The following KIAA1328 variants were observed in gnomAD, a reference collection of about 807,000 sequenced individuals.
KIAA1328 encodes protein hinderin.
In KIAA1328, 52 loss-of-function variants were observed where a neutral mutation model predicts 68.1. That is an observed-to-expected ratio of 0.76 (90% CI 0.61 to 0.96). The LOEUF is 0.96. KIAA1328 is among the 40% of genes least tolerant of loss of function. KIAA1328 has a pLI of 0.00. For missense variants in KIAA1328, 641 were observed against 677.6 expected (o/e 0.95, Z 0.60); for synonymous variants, 232 against 239.4 (o/e 0.97, Z 0.28).
intron 7 of KIAA1328, among the ~76,000 whole-genome samples, chr18:37,113,911 A>C (rs1250380620): frequency 1.3e-5 from 2 of 152,206 alleles, no homozygotes; most frequent in Admixed American, 1.3e-4. Context: ...AGAGACAAAG[A>C]AGGCCATTAC....
chr18:37,205,052 T>A (rs2060192071), intron 9 of KIAA1328, among the ~76,000 whole-genome samples: 2 of 152,140 alleles, frequency 1.3e-5, no homozygotes, highest in Admixed American at 1.3e-4. Flanking sequence ...GTTATGCCTT[T>A]ACCAAGGACG....
intron 5 of KIAA1328, among the ~76,000 whole-genome samples, chr18:36,895,158 C>A (rs981149960): frequency 6.6e-6 from 1 of 152,214 alleles, no homozygotes; most frequent in Non-Finnish European, 1.5e-5. Flanking sequence ...GCTGCCCTAA[C>A]TTGCGTATCT....
At chr18:36,950,288 A>C (rs1283168874) in intron 5 of KIAA1328, among the ~76,000 whole-genome samples, 1 of 152,220 alleles carries the variant, frequency 6.6e-6, no homozygotes, top group Non-Finnish European at 1.5e-5. Context: ...TATTTTAAGC[A>C]TCTTCTTGGC....
chr18:36,877,490 A>G (rs1443259344), intron 4 of KIAA1328, among the ~76,000 whole-genome samples: 1 of 137,972 alleles, frequency 7.2e-6, no homozygotes, highest in Non-Finnish European at 1.6e-5. Flanking sequence ...TAGGATTGCA[A>G]CCCCTGGTGG....
At chr18:37,115,078 C>T (rs1817589554) in intron 7 of KIAA1328, among the ~76,000 whole-genome samples, 1 of 152,166 alleles carries the variant, frequency 6.6e-6, no homozygotes, top group South Asian at 2.1e-4. Flanking sequence ...CGAATTCTAC[C>T]AGAGGTACAA....
intron 7 of KIAA1328, among the ~76,000 whole-genome samples, chr18:37,116,078 A>G (rs1158039668): frequency 6.6e-6 from 1 of 152,212 alleles, no homozygotes; most frequent in Non-Finnish European, 1.5e-5. Flanking sequence ...GAAAATGGCC[A>G]TACTGCCCAA....
chr18:37,076,963 A>T (rs1164939413), intron 7 of KIAA1328, among the ~76,000 whole-genome samples: 2 of 152,178 alleles, frequency 1.3e-5, no homozygotes, highest in African/African-American at 2.4e-5. Context: ...AAAAAGAAGG[A>T]ATCCTCCCTA....
In KIAA1328 at chr18:36,883,952, G is replaced by GTATATATATATATATATATATATATATA. The variant is rs58707237; in HGVS notation, c.333-1587_333-1586insTATATATATATATATATATATATATATA. Among the ~76,000 whole-genome samples the GTATATATATATATATATATATATATATA allele has an allele frequency of 7.0e-3, 845 of 120,454 alleles. 46 individuals are homozygous for GTATATATATATATATATATATATATATA. Among genetic ancestry groups the GTATATATATATATATATATATATATATA allele is most frequent in the African/African-American group, 0.015 (459 of 30,176 alleles). The allele number at this position is 120,454 out of a possible 152,430, so 79.0% of individuals were successfully genotyped here. A position where few individuals can be genotyped will look rare whatever the true frequency, so the allele number is the denominator to read the frequency against. On this transcript the variant is annotated intron_variant, in intron 4 of 9. Coordinates refer to ENST00000280020, the MANE Select transcript of KIAA1328 (RefSeq NM_020776.3). ...TACAAATGCTTTCCATATTTATAAA[G>GTATATATATATATATATATATATATATA]TATATATATATATATATACACACAC...
chr18:37,025,696 C>G (rs1306337562), intron 6 of KIAA1328, among the ~76,000 whole-genome samples: 4 of 152,058 alleles, frequency 2.6e-5, no homozygotes, highest in Admixed American at 6.6e-5. Context: ...ACAAAACATA[C>G]CAGAATCTCT....
chr18:37,224,364 C>T lies in KIAA1328; in HGVS notation c.*2137C>T. 1 of 985,360 alleles carries T rather than the reference C, an allele frequency of 1.0e-6. No homozygotes were observed. The highest frequency in any genetic ancestry group is 1.2e-6 in the Non-Finnish European group (1 of 829,918). 61.0% of individuals were successfully genotyped at this position (985,360 alleles called of 1,614,324 possible). The stretch of plus-strand genomic sequence containing the variant: ...ACAGCCACAGAGTGGAGTTTTATTG[C>T]TTCTTTGCCTCTCCATGAATGGCCA... On this transcript the variant is annotated 3_prime_UTR_variant, in exon 10 of 10. Transcript: ENST00000280020.
At chr18:36,856,924 T>C (rs1028340736) in intron 4 of KIAA1328, among the ~76,000 whole-genome samples, 1 of 152,186 alleles carries the variant, frequency 6.6e-6, no homozygotes, top group Admixed American at 6.5e-5. Context: ...GTCTCTGAAG[T>C]CTTTGTTTTG....
At chr18:36,885,708 G>A in intron 5 of KIAA1328, 36 bp downstream of exon 5, 2 of 1,320,846 alleles carry the variant, frequency 1.5e-6, no homozygotes, top group Non-Finnish European at 2.1e-6. Context: ...TAACGTTCAA[G>A]AAGTTTGACT....
chr18:37,086,689 A>G (rs1599215713), intron 7 of KIAA1328, among the ~76,000 whole-genome samples: 1 of 152,322 alleles, frequency 6.6e-6, no homozygotes, highest in Admixed American at 6.5e-5. Context: ...TTAGCTTTAT[A>G]TAGCATTCTG....
At chr18:36,832,383 A>G (rs543894687) in intron 1 of KIAA1328, among the ~76,000 whole-genome samples, 1 of 151,976 alleles carries the variant, frequency 6.6e-6, no homozygotes, top group Non-Finnish European at 1.5e-5. Flanking sequence ...TCAGGAGTTC[A>G]AAACCAGTCT....
Position 37,223,017 on chromosome 18 carries a change from T to G in KIAA1328, c.*790T>G. 3 of 985,300 alleles carry G rather than the reference T, an allele frequency of 3.0e-6. No individual in the cohort carries two copies. Among genetic ancestry groups the G allele is most frequent in the Non-Finnish European group, 3.6e-6 (3 of 830,012 alleles). 61.0% of individuals were successfully genotyped at this position (985,300 alleles called of 1,614,324 possible). A position where few individuals can be genotyped will look rare whatever the true frequency, so the allele number is the denominator to read the frequency against. ...AATGAATAAGAACAATCCCTAGGTA[T>G]TTTTATTTACCCAAGTGTTCAGCTT... On this transcript the variant is annotated 3_prime_UTR_variant, in exon 10 of 10. Transcript: ENST00000280020.
intron 1 of KIAA1328, chr18:36,833,345 A>G (rs2046562015): frequency 6.6e-6 from 1 of 152,202 alleles, no homozygotes; most frequent in African/African-American, 2.4e-5. Context: ...ATTTGAGGAA[A>G]GAGCTTCCTG....
intron 5 of KIAA1328, chr18:36,895,910 C>G: frequency 5.3e-6 from 2 of 380,586 alleles, no homozygotes; most frequent in Non-Finnish European, 5.3e-6. Context: ...AAGGTAGAAG[C>G]CTGAAAGCCA....
intron 6 of KIAA1328, among the ~76,000 whole-genome samples, chr18:37,053,796 G>A (rs1018055456): frequency 1.3e-5 from 2 of 151,958 alleles, no homozygotes; most frequent in African/African-American, 4.8e-5. Context: ...CTCCCACAAG[G>A]TTCCTCCCCC....
At chr18:36,905,454 G>A (rs1235690932) in intron 5 of KIAA1328, among the ~76,000 whole-genome samples, 1 of 151,998 alleles carries the variant, frequency 6.6e-6, no homozygotes, top group Non-Finnish European at 1.5e-5. Context: ...TACTTCCTGT[G>A]CTCTGCATGA....
Sources: gnomAD v4.1 joint callset for allele counts (sites outside exome capture counted in the v4.1 genomes callset) on GRCh38, gnomAD v4.1.1 for gene constraint, MANE v1.5 for transcripts, NCBI Gene and HGNC (gene_info 2026-07-23, HGNC 2026-07-21) for gene names.